Variants in GPSM2 observed in about 807,000 individuals in gnomAD.
GPSM2 encodes the protein G protein-signaling modulator 2.
Under a neutral mutation model 78.4 loss-of-function variants are expected in GPSM2, and 58 were observed. The ratio of observed to expected loss-of-function variants is 0.74; its 90% confidence interval spans 0.60 to 0.92. The LOEUF (loss-of-function observed/expected upper bound fraction) is 0.92, where lower values mean the gene tolerates loss of function less well. Among genes scored for constraint, GPSM2 ranks in the 40% least tolerant of loss-of-function variants. The pLI is 0.00. For synonymous variants in GPSM2, 224 were observed against 280.2 expected (o/e 0.80, Z 2.00); for missense variants, 700 against 815.5 (o/e 0.86, Z 1.73).
intron 10 of GPSM2, among the ~76,000 whole-genome samples, chr1:108,908,527 T>G (rs1649436861): frequency 6.6e-6 from 1 of 150,662 alleles, no homozygotes; most frequent in Non-Finnish European, 1.5e-5. Flanking sequence ...ACTAAAAAAT[T>G]AGCTGGGCGT....
At chr1:108,896,400 A>G (rs2101393858) in intron 2 of GPSM2, among the ~76,000 whole-genome samples, 1 of 152,126 alleles carries the variant, frequency 6.6e-6, no homozygotes. Flanking sequence ...CGAGGGATGG[A>G]TGGCTGGATG....
intron 9 of GPSM2, 71 bp downstream of exon 9, chr1:108,903,305 A>G (rs1164437745): frequency 1.2e-5 from 9 of 782,364 alleles, no homozygotes; most frequent in Admixed American, 1.1e-4. Flanking sequence ...AGGGAACCCT[A>G]TTTCTCTAGA....
rs79761186 is a variant in GPSM2, at chr1:108,922,545, T to A, written c.1569T>A (p.Thr523=). The stretch of plus-strand genomic sequence containing the variant: ...ACTGCCATACAGCTTCAACAACAAC[T>A]TCTTCCACTCCCCCTAAAATGATGC... The part of the protein sequence containing the change: ...EKNCHTASTT[T]SSTPPKMMLK... The change falls in exon 13 of 15, where the codon ACT becomes ACA. Residue 523 remains threonine (T), a synonymous_variant. Coordinates refer to ENST00000264126, the MANE Select transcript of GPSM2 (RefSeq NM_013296.5). 3 of 822,282 alleles carry A rather than the reference T, an allele frequency of 3.6e-6. No individual in the cohort carries two copies. The highest frequency in any genetic ancestry group is 5.0e-6 in the Non-Finnish European group (3 of 605,350). 50.9% of individuals were successfully genotyped at this position (822,282 alleles called of 1,614,324 possible).
At chr1:108,921,024 C>A (rs1425923041) in intron 12 of GPSM2, among the ~76,000 whole-genome samples, 1 of 152,146 alleles carries the variant, frequency 6.6e-6, no homozygotes, top group African/African-American at 2.4e-5. Context: ...TTCCTTATCC[C>A]AGTTAAAGGG....
chr1:108,915,320 G>C (rs1650106234), intron 11 of GPSM2, among the ~76,000 whole-genome samples: 2 of 140,606 alleles, frequency 1.4e-5, no homozygotes, highest in Non-Finnish European at 3.1e-5. Context: ...GCAGTGAGCT[G>C]AGATCGCGCC....
intron 1 of GPSM2, among the ~76,000 whole-genome samples, chr1:108,882,271 A>G (rs1665935803): frequency 1.3e-5 from 2 of 152,204 alleles, no homozygotes; most frequent in African/African-American, 2.4e-5. Flanking sequence ...TTTAAATTTA[A>G]TATCAGTATC....
intron 12 of GPSM2, among the ~76,000 whole-genome samples, chr1:108,922,123 AGCCTGAAGTACAG>A (rs1219514566): frequency 6.6e-6 from 1 of 152,204 alleles, no homozygotes. Context: ...CTGAATGTAG[AGCCTGAAGTACAG>A]GCCTGTATCA....
At chr1:108,904,988 C>A (rs933548025) in intron 10 of GPSM2, among the ~76,000 whole-genome samples, 1 of 152,000 alleles carries the variant, frequency 6.6e-6, no homozygotes, top group Non-Finnish European at 1.5e-5. Context: ...CTAAAAAAAA[C>A]TACTGACAAA....
Position 108,885,495 on chromosome 1 carries a change from T to G in GPSM2, c.-28T>G, listed in dbSNP as rs775603758. The G allele has an allele frequency of 7.8e-7, 1 of 1,277,844 alleles. No individual in the cohort carries two copies. The highest frequency in any genetic ancestry group is 1.2e-5 in the South Asian group (1 of 82,882). 79.2% of individuals were successfully genotyped at this position (1,277,844 alleles called of 1,614,324 possible). A position where few individuals can be genotyped will look rare whatever the true frequency, so the allele number is the denominator to read the frequency against. ...GGATTGGCACAAAATAAAATAATTT[T>G]ATTTTATTCAGCTTATAATATGACT... is the stretch of plus-strand genomic sequence containing the variant. On this transcript the variant is annotated 5_prime_UTR_variant, in exon 2 of 15. Coordinates refer to ENST00000264126, the MANE Select transcript of GPSM2 (RefSeq NM_013296.5).
In GPSM2 at chr1:108,930,293, A is replaced by G. The variant is rs1651705966; in HGVS notation, c.*353A>G. ...TAATTTTTTAACATCTTAATTGACA[A>G]TGGCGTTTTTTTATACATAACCATG... On this transcript the variant is annotated 3_prime_UTR_variant, in exon 15 of 15. Transcript: ENST00000264126. 5.1e-6 allele frequency: 1 copy of G among 194,536 alleles called. No homozygotes were observed. The highest frequency in any genetic ancestry group is 1.1e-5 in the Non-Finnish European group (1 of 94,728). The allele number at this position is 194,536 out of a possible 1,614,324, so 12.1% of individuals were successfully genotyped here. A position where few individuals can be genotyped will look rare whatever the true frequency, so the allele number is the denominator to read the frequency against.
Position 108,903,140 on chromosome 1 carries a change from G to A in GPSM2, c.968G>A (p.Arg323Lys). ...TAACGTTTTAGAATTGGTGAAGGAA[G>A]AGCATGTTGGAGCTTAGGAAATGCA... ...QELNDRIGEG[R>K]ACWSLGNAYT... Residue 323 changes from arginine to lysine, a missense_variant, in exon 9 of 15, where the codon AGA (arginine) becomes AAA (lysine). Arg to Lys is a conservative substitution (Grantham distance 26). Transcript: ENST00000264126. 6.3e-7 allele frequency: 1 copy of A among 1,598,294 alleles called. No homozygotes were observed. The highest frequency in any genetic ancestry group is 8.6e-7 in the Non-Finnish European group (1 of 1,165,860).
At chr1:108,919,924 G>C (rs1357797005) in intron 12 of GPSM2, among the ~76,000 whole-genome samples, 1 of 152,066 alleles carries the variant, frequency 6.6e-6, no homozygotes, top group East Asian at 1.9e-4. Flanking sequence ...CCAGCACTTT[G>C]GGAGGCAAAG....
rs1570904103 is a variant in GPSM2, at chr1:108,898,775, A to G, written c.681+10A>G. On this transcript the variant is annotated intron_variant, in intron 6 of 14. Transcript: ENST00000264126. ...TATAGCTCATGAGCAGGTACAGTGG[A>G]AAGCCTTGGAGCCAGATCATTTCCT... 6.2e-7 allele frequency: 1 copy of G among 1,613,966 alleles called. No individual in the cohort carries two copies. Among genetic ancestry groups the G allele is most frequent in the East Asian group, 2.2e-5 (1 of 44,866 alleles).
intron 13 of GPSM2, among the ~76,000 whole-genome samples, chr1:108,923,323 T>C (rs1023147742): frequency 6.6e-6 from 1 of 152,174 alleles, no homozygotes; most frequent in African/African-American, 2.4e-5. Context: ...CATGAGCTAC[T>C]GTGCCCAGCC....
chr1:108,896,204 G>C (rs889439664), intron 2 of GPSM2, among the ~76,000 whole-genome samples: 1 of 152,122 alleles, frequency 6.6e-6, no homozygotes, highest in African/African-American at 2.4e-5. Context: ...TTCAAAATTA[G>C]TATTTCTGCA....
At chr1:108,911,868 T>C (rs2101488038) in intron 10 of GPSM2, among the ~76,000 whole-genome samples, 1 of 143,376 alleles carries the variant, frequency 7.0e-6, no homozygotes, top group Admixed American at 7.4e-5. Context: ...TGCAGTGGAG[T>C]CATCTCAGCT....
chr1:108,920,969 A>G (rs1403318909), intron 12 of GPSM2, among the ~76,000 whole-genome samples: 1 of 152,074 alleles, frequency 6.6e-6, no homozygotes, highest in Non-Finnish European at 1.5e-5. Context: ...TCATTCCCAA[A>G]TCTCAAATTC....
chr1:108,897,690 A>G, intron 4 of GPSM2, 63 bp downstream of exon 4: 1 of 1,364,078 alleles, frequency 7.3e-7, no homozygotes, highest in South Asian at 1.3e-5. Flanking sequence ...GCATTTTAAT[A>G]CTATTTAATT....
At chr1:108,891,366 C>T (rs1222874330) in intron 2 of GPSM2, among the ~76,000 whole-genome samples, 3 of 152,234 alleles carry the variant, frequency 2.0e-5, no homozygotes, top group South Asian at 2.1e-4. Flanking sequence ...GATGGAAAGA[C>T]CACTGGATTT....
Sources: gnomAD v4.1 joint callset for allele counts (sites outside exome capture counted in the v4.1 genomes callset) on GRCh38, gnomAD v4.1.1 for gene constraint, MANE v1.5 for transcripts, NCBI Gene and HGNC (gene_info 2026-07-23, HGNC 2026-07-21) for gene names.